The following OPCML variants were observed in gnomAD, a reference collection of about 807,000 sequenced individuals.
OPCML encodes opioid binding protein/cell adhesion molecule like, also known as opioid-binding protein/cell adhesion molecule.
In OPCML, 13 loss-of-function variants were observed where a neutral mutation model predicts 37.8. That is an observed-to-expected ratio of 0.34 (90% CI 0.22 to 0.55). The LOEUF (loss-of-function observed/expected upper bound fraction) is 0.55. Among genes scored for constraint, OPCML ranks in the 20% least tolerant of loss-of-function variants. The probability of loss-of-function intolerance (pLI) is 0.91; values close to 1 mark genes in which losing one functional copy is unlikely to be tolerated. For synonymous variants in OPCML, 176 were observed against 168.8 expected (o/e 1.04, Z -0.33); for missense variants, 341 against 435.6 (o/e 0.78, Z 1.93).
intron 2 of OPCML, among the ~76,000 whole-genome samples, chr11:132,896,507 G>C (rs79675419): frequency 0.03 from 4,630 of 152,286 alleles, 234 homozygotes; most frequent in African/African-American, 0.1. Flanking sequence ...TACCTGGTAT[G>C]CACCTACTAA....
chr11:133,383,779 T>C (rs958678533), intron 1 of OPCML, among the ~76,000 whole-genome samples: 1 of 152,134 alleles, frequency 6.6e-6, no homozygotes, highest in Non-Finnish European at 1.5e-5. Context: ...AAGCTATAAA[T>C]AAACAGAAGG....
At chr11:132,819,805 T>A (rs1341617566) in intron 2 of OPCML, among the ~76,000 whole-genome samples, 1 of 152,200 alleles carries the variant, frequency 6.6e-6, no homozygotes, top group Non-Finnish European at 1.5e-5. Context: ...ACTTTAAGTA[T>A]ACTTTTCTCC....
chr11:133,149,574 A>G (rs1014687349), intron 1 of OPCML, among the ~76,000 whole-genome samples: 3 of 152,008 alleles, frequency 2.0e-5, no homozygotes, highest in Non-Finnish European at 4.4e-5. Context: ...AATTCTCTCA[A>G]CCCCCACCCG....
At position 132,591,955 on chromosome 11, in the gene OPCML, C is replaced by T. The variant is rs117784096; in HGVS notation, c.380-62769G>A. 1.2e-3 allele frequency among the ~76,000 whole-genome samples: 177 copies of T among 152,260 alleles called. 2 individuals carry two copies. In the Middle Eastern group the frequency reaches 0.027, roughly 23 times the overall value. On this transcript the variant is annotated intron_variant, in intron 3 of 7. Transcript: ENST00000524381. The stretch of plus-strand genomic sequence containing the variant: ...GTGTAGCAATCAAACGTGATATACT[C>T]AGGTGAAGAACAGGCAGTGAGAGGA...
intron 3 of OPCML, among the ~76,000 whole-genome samples, chr11:132,551,878 A>G (rs566573678): frequency 2.6e-4 from 40 of 152,214 alleles, no homozygotes; most frequent in South Asian, 6.2e-4. Context: ...CTCTCTTGCA[A>G]TTCCCCTGTC....
intron 2 of OPCML, among the ~76,000 whole-genome samples, chr11:132,668,974 T>C (rs1263258011): frequency 6.6e-6 from 1 of 152,146 alleles, no homozygotes; most frequent in Non-Finnish European, 1.5e-5. Context: ...CTTTAACTTT[T>C]TATTTTGATC....
chr11:133,132,929 T>C (rs911594823), intron 1 of OPCML, among the ~76,000 whole-genome samples: 7 of 150,330 alleles, frequency 4.7e-5, no homozygotes, highest in Admixed American at 6.6e-5. Context: ...AGATGGGTGG[T>C]CGGTAGACTG....
At chr11:132,522,141 T>C (rs565877374) in intron 4 of OPCML, among the ~76,000 whole-genome samples, 2 of 152,352 alleles carry the variant, frequency 1.3e-5, no homozygotes, top group East Asian at 3.9e-4. Context: ...TCCATCCAAG[T>C]TGTCAAATGT....
intron 2 of OPCML, among the ~76,000 whole-genome samples, chr11:132,782,943 A>ATATG (rs1555188335): frequency 2.3e-4 from 32 of 140,568 alleles, no homozygotes; most frequent in Middle Eastern, 3.9e-3. Flanking sequence ...ATATATATAT[A>ATATG]TATGTATGTA....
intron 2 of OPCML, among the ~76,000 whole-genome samples, chr11:132,665,578 G>A (rs565987569): frequency 6.6e-6 from 1 of 152,226 alleles, no homozygotes; most frequent in Non-Finnish European, 1.5e-5. Context: ...TGGGAGGAGA[G>A]AGGAGGAGAA....
intron 1 of OPCML, among the ~76,000 whole-genome samples, chr11:133,320,227 T>C (rs779452503): frequency 2.0e-5 from 3 of 152,254 alleles, no homozygotes; most frequent in Non-Finnish European, 4.4e-5. Flanking sequence ...ATTGAATGAA[T>C]AGACAATCTG....
At chr11:133,171,238 T>A (rs1285755108) in intron 1 of OPCML, among the ~76,000 whole-genome samples, 1 of 152,228 alleles carries the variant, frequency 6.6e-6, no homozygotes, top group Non-Finnish European at 1.5e-5. Flanking sequence ...ATTTCCAGTT[T>A]GCTTTGTGGG....
chr11:132,784,476 C>T (rs987195214), intron 2 of OPCML, among the ~76,000 whole-genome samples: 6 of 152,166 alleles, frequency 3.9e-5, no homozygotes, highest in African/African-American at 1.4e-4. Flanking sequence ...CTTTGAGTCT[C>T]TGCCAAAACA....
At chr11:132,759,775 G>T (rs1264001627) in intron 2 of OPCML, among the ~76,000 whole-genome samples, 1 of 151,890 alleles carries the variant, frequency 6.6e-6, no homozygotes, top group Non-Finnish European at 1.5e-5. Context: ...TTTTTTGAAG[G>T]GTTTTTCGTG....
At chr11:132,948,522 G>A (rs990534691) in intron 1 of OPCML, among the ~76,000 whole-genome samples, 1 of 152,064 alleles carries the variant, frequency 6.6e-6, no homozygotes. Context: ...AAATGTGTGG[G>A]GTATGGGTTT....
intron 1 of OPCML, among the ~76,000 whole-genome samples, chr11:133,160,550 G>T (rs1035611559): frequency 6.6e-6 from 1 of 152,218 alleles, no homozygotes; most frequent in Non-Finnish European, 1.5e-5. Context: ...CCTAATTCTG[G>T]TTTTGAGCCT....
intron 1 of OPCML, among the ~76,000 whole-genome samples, chr11:133,222,061 G>T (rs1259345761): frequency 2.0e-5 from 3 of 152,142 alleles, no homozygotes; most frequent in African/African-American, 7.2e-5. Flanking sequence ...AATCGGACAG[G>T]CTTCAGAATC....
intron 1 of OPCML, chr11:133,299,802 T>C (rs1942734232): frequency 6.6e-6 from 1 of 152,090 alleles, no homozygotes; most frequent in Non-Finnish European, 1.5e-5. Context: ...TTGTCTGTGA[T>C]GAAGAGCAGG....
Position 133,363,517 on chromosome 11 carries a change from C to G in OPCML, c.61+168747G>C, listed in dbSNP as rs535750953. On this transcript the variant is annotated intron_variant, in intron 1 of 7. Coordinates refer to ENST00000524381, the MANE Select transcript of OPCML (RefSeq NM_001012393.5). ...CTGCTTCTTTAATACTACTTAAAAG[C>G]AGTGCCTTTGGCTATTGCTATAATA... is the stretch of plus-strand genomic sequence containing the variant. Among the ~76,000 whole-genome samples the G allele has an allele frequency of 2.6e-5, 4 of 152,318 alleles. No homozygotes were observed. In the South Asian group the frequency reaches 8.3e-4, roughly 32 times the overall value.
Sources: gnomAD v4.1 joint callset for allele counts (sites outside exome capture counted in the v4.1 genomes callset) on GRCh38, gnomAD v4.1.1 for gene constraint, MANE v1.5 for transcripts, NCBI Gene and HGNC (gene_info 2026-07-23, HGNC 2026-07-21) for gene names.